The following C2orf49 variants were observed in gnomAD, a reference collection of about 807,000 sequenced individuals.
The protein encoded by C2orf49 is tRNA splicing ligase complex subunit 2, also known as tRNA-splicing ligase complex subunit ASW.
In C2orf49, 11 loss-of-function variants were observed where a neutral mutation model predicts 20.6. The observed-to-expected ratio is 0.53, with a 90% CI of 0.34 to 0.88. The LOEUF (loss-of-function observed/expected upper bound fraction) is 0.88. Among genes scored for constraint, C2orf49 ranks in the 40% least tolerant of loss-of-function variants. The pLI is 0.02. For missense variants in C2orf49, 289 were observed against 274.2 expected (o/e 1.05, Z -0.38); for synonymous variants, 134 against 108.5 (o/e 1.24, Z -1.46).
rs1226509098 is a variant in C2orf49, at chr2:105,346,875, A to G, written c.*1504A>G. 1.3e-5 allele frequency: 2 copies of G among 152,212 alleles called. No homozygotes were observed. The highest frequency in any genetic ancestry group is 4.8e-5 in the African/African-American group (2 of 41,450). 9.4% of individuals were successfully genotyped at this position (152,212 alleles called of 1,614,324 possible). A position where few individuals can be genotyped will look rare whatever the true frequency, so the allele number is the denominator to read the frequency against. On this transcript the variant is annotated 3_prime_UTR_variant, in exon 4 of 4. Transcript: ENST00000258457. Reference sequence around the variant, plus strand: ...GGAAAATAGGGTTTACCTTATATTCATGAGTTCTAGTTTCTACTGTTCTGC... The same window carrying G: ...GGAAAATAGGGTTTACCTTATATTCGTGAGTTCTAGTTTCTACTGTTCTGC...
rs1159189259 is a variant in C2orf49, at chr2:105,346,429, C to G, written c.*1058C>G. The G allele has an allele frequency of 6.6e-6, 1 of 152,192 alleles. No homozygotes were observed. Among genetic ancestry groups the G allele is most frequent in the Non-Finnish European group, 1.5e-5 (1 of 68,036 alleles). The allele number at this position is 152,192 out of a possible 1,614,324, so 9.4% of individuals were successfully genotyped here. ...CCTACGTACTCTTTTCATGAGCAGT[C>G]TGTGATCTCACTCTGTGAGTTCAGC... On this transcript the variant is annotated 3_prime_UTR_variant, in exon 4 of 4. Coordinates refer to ENST00000258457, the MANE Select transcript of C2orf49 (RefSeq NM_024093.3).
At chr2:105,361,067 C>G in the C2orf49 span, 1 of 416,790 alleles carries the variant, frequency 2.4e-6, no homozygotes, top group Non-Finnish European at 4.2e-6. Flanking sequence ...TTCAAACCAT[C>G]TTCCCACCTA....
At chr2:105,358,462 C>G in the C2orf49 span, 1 of 152,482 alleles carries the variant, frequency 6.6e-6, no homozygotes, top group African/African-American at 2.4e-5. Flanking sequence ...TGGGGCAAAG[C>G]CCTAGACTGG....
the C2orf49 span, among the ~76,000 whole-genome samples, chr2:105,379,744 C>T: frequency 6.6e-6 from 1 of 152,220 alleles, no homozygotes; most frequent in Non-Finnish European, 1.5e-5. Context: ...TTTGACCATA[C>T]TCTGTCCCTG....
intron 1 of C2orf49, 29 bp downstream of exon 1, chr2:105,337,715 G>T (rs1229496797): frequency 1.8e-5 from 6 of 334,550 alleles, no homozygotes; most frequent in East Asian, 9.2e-5. Flanking sequence ...GAGGGTGGGC[G>T]GGTGGGCCTT....
chr2:105,341,413 T>C (rs543854928), intron 2 of C2orf49, among the ~76,000 whole-genome samples: 1 of 152,210 alleles, frequency 6.6e-6, no homozygotes, highest in Non-Finnish European at 1.5e-5. Flanking sequence ...GAACTACTTA[T>C]TATTTTATCT....
chr2:105,375,855 T>C, the C2orf49 span: 1 of 152,168 alleles, frequency 6.6e-6, no homozygotes, highest in African/African-American at 2.4e-5. Context: ...TAACCTGTCT[T>C]TTGTATTTTT....
At chr2:105,382,564 T>C in the C2orf49 span, among the ~76,000 whole-genome samples, 2 of 152,258 alleles carry the variant, frequency 1.3e-5, no homozygotes, top group African/African-American at 4.8e-5. Flanking sequence ...ATTTAGATCA[T>C]GCAGTTTAGG....
the C2orf49 span, among the ~76,000 whole-genome samples, chr2:105,380,757 T>C: frequency 8.0e-3 from 1,213 of 152,184 alleles, 14 homozygotes; most frequent in African/African-American, 0.027. Flanking sequence ...TTTAAATTCC[T>C]CTAGAGAGAA....
the C2orf49 span, among the ~76,000 whole-genome samples, chr2:105,356,370 G>A: frequency 3.3e-5 from 5 of 151,282 alleles, no homozygotes; most frequent in East Asian, 1.9e-4. Context: ...CAGCCTGGGC[G>A]ACAGAGCAAA....
At position 105,337,646 on chromosome 2, in the gene C2orf49, A is replaced by C. The variant is rs958318849; in HGVS notation, c.59A>C (p.Glu20Ala). ...GACTCGGAACTGCTGCTGCACCCGGAGCTGCTGTCCCAGGAGTTCCTTCTC... is the reference window on the plus strand; with the variant it reads ...GACTCGGAACTGCTGCTGCACCCGGCGCTGCTGTCCCAGGAGTTCCTTCTC... The part of the protein sequence containing the change: ...CTDSELLLHP[E>A]LLSQEFLLLT... Residue 20 changes from glutamate (E) to alanine (A), a missense_variant, in exon 1 of 4, where the codon GAG becomes GCG. Coordinates refer to ENST00000258457, the MANE Select transcript of C2orf49 (RefSeq NM_024093.3). The C allele has an allele frequency of 3.4e-6, 5 of 1,469,194 alleles. No individual in the cohort carries two copies. The highest frequency in any genetic ancestry group is 3.8e-5 in the Admixed American group (2 of 52,938). 91.0% of individuals were successfully genotyped at this position (1,469,194 alleles called of 1,614,324 possible).
chr2:105,356,835 G>C, the C2orf49 span, among the ~76,000 whole-genome samples: 1 of 152,024 alleles, frequency 6.6e-6, no homozygotes, highest in Non-Finnish European at 1.5e-5. Context: ...AATGTGTCTG[G>C]GTATGGTCTC....
the C2orf49 span, chr2:105,363,253 G>A: frequency 5.7e-5 from 92 of 1,608,240 alleles, no homozygotes; most frequent in African/African-American, 8.1e-4. Flanking sequence ...GCTTCCAATC[G>A]CCCCTGGAAA....
the C2orf49 span, chr2:105,378,112 G>A: frequency 4.4e-6 from 2 of 459,566 alleles, no homozygotes; most frequent in African/African-American, 2.0e-5. Flanking sequence ...GAGCACATCA[G>A]CATGCCTGCA....
the C2orf49 span, among the ~76,000 whole-genome samples, chr2:105,383,494 C>A: frequency 1.3e-5 from 2 of 152,200 alleles, no homozygotes; most frequent in Non-Finnish European, 2.9e-5. Context: ...ATATAACAGG[C>A]TCTGAAGTCT....
At chr2:105,378,681 TTA>T in the C2orf49 span, 1 of 155,088 alleles carries the variant, frequency 6.4e-6, no homozygotes, top group Admixed American at 6.3e-5. Context: ...CAGCCTACCT[TTA>T]TGACTGCACA....
the C2orf49 span, chr2:105,373,502 C>T: frequency 1.3e-4 from 211 of 1,592,540 alleles, no homozygotes; most frequent in Non-Finnish European, 1.7e-4. Context: ...GTCAGAGGAA[C>T]GTGCACAAGG....
the C2orf49 span, chr2:105,376,105 G>A: frequency 6.6e-6 from 1 of 152,156 alleles, no homozygotes; most frequent in African/African-American, 2.4e-5. Flanking sequence ...CACTAGTGAT[G>A]ACCATCATTA....
chr2:105,337,586 C>T lies in C2orf49; in HGVS notation c.-2C>T, dbSNP rs772216869. On this transcript the variant is annotated 5_prime_UTR_variant, in exon 1 of 4. Transcript: ENST00000258457. ...GCCGACTGGGGTCTCCTGGCGACGA[C>T]CATGGCGGGGGATGTGGGCGGTCGC... The T allele has an allele frequency of 3.1e-6, 5 of 1,613,252 alleles. No individual in the cohort carries two copies. Among genetic ancestry groups the T allele is most frequent in the Admixed American group, 1.7e-5 (1 of 59,978 alleles).
Sources: gnomAD v4.1 joint callset for allele counts (sites outside exome capture counted in the v4.1 genomes callset) on GRCh38, gnomAD v4.1.1 for gene constraint, MANE v1.5 for transcripts, NCBI Gene and HGNC (gene_info 2026-07-23, HGNC 2026-07-21) for gene names.